Variants in GPRIN3 observed in about 807,000 individuals in gnomAD.
The protein encoded by GPRIN3 is GPRIN family member 3, also known as G protein-regulated inducer of neurite outgrowth 3.
A neutral mutation model predicts 13.7 loss-of-function variants in GPRIN3; 12 were observed. The observed-to-expected ratio is 0.87, with a 90% CI of 0.56 to 1.42. The LOEUF (loss-of-function observed/expected upper bound fraction) is 1.42. GPRIN3 is among the 40% of genes most tolerant of loss of function. GPRIN3 has a pLI of 0.00. For synonymous variants in GPRIN3, 377 were observed against 372.7 expected, an observed-to-expected ratio of 1.01 and a Z score of -0.13; for missense variants, 1,009 against 958.7, an observed-to-expected ratio of 1.05 and a Z score of -0.69.
At position 89,249,405 on chromosome 4, in the gene GPRIN3, T is replaced by C. The variant is rs937788863; in HGVS notation, c.706A>G (p.Lys236Glu). 1 of 1,614,152 alleles carries C rather than the reference T, an allele frequency of 6.2e-7. No individual in the cohort carries two copies. Residue 236 changes from lysine to glutamate, a missense_variant, in exon 2 of 2, where the codon AAA (lysine) becomes GAA (glutamate). Coordinates refer to ENST00000609438, the MANE Select transcript of GPRIN3 (RefSeq NM_198281.3). ...AICDSEMRSC[K>E]PLTRESGCSE... ...CATCCAGATTCTCTAGTTAGAGGTTTACAGGACCTCATTTCAGAGTCACAG... is the reference window on the plus strand; with the variant it reads ...CATCCAGATTCTCTAGTTAGAGGTTCACAGGACCTCATTTCAGAGTCACAG...
rs139967669 is a variant in GPRIN3, at chr4:89,248,625, C to T, written c.1486G>A (p.Ala496Thr). The T allele has an allele frequency of 1.2e-6, 2 of 1,614,118 alleles. No homozygotes were observed. Among genetic ancestry groups the T allele is most frequent in the South Asian group, 1.1e-5 (1 of 91,084 alleles). The change falls in exon 2 of 2, where the codon GCA (alanine) becomes ACA (threonine). Residue 496 changes from alanine (A) to threonine (T), a missense_variant. Transcript: ENST00000609438. ...GKFETRPSEF[A>T]EKTTNGHKTD... is the part of the protein sequence containing the mutation. ...TTGTGGCCGTTTGTCGTTTTCTCTG[C>T]AAACTCAGATGGCCTGGTTTCAAAT... is the stretch of plus-strand genomic sequence containing the variant.
rs577472132 is a variant in GPRIN3 at position 89,287,403 on chromosome 4, A to G, written c.-124+20212T>C. Among the ~76,000 whole-genome samples, 33 of 152,350 alleles carry G rather than the reference A, an allele frequency of 2.2e-4. No individual in the cohort carries two copies. The South Asian group carries it at 6.2e-3, about 29-fold the overall frequency. ...ATATGTTACAACCTGTGGTTAATAC[A>G]ATGAAACTGACCAAATTGAACTGTG... is the stretch of plus-strand genomic sequence containing the variant. On this transcript the variant is annotated intron_variant, in intron 1 of 1. Coordinates refer to ENST00000609438, the MANE Select transcript of GPRIN3 (RefSeq NM_198281.3).
rs933506991 is a variant in GPRIN3, at chr4:89,247,737, G to A, written c.*43C>T. On this transcript the variant is annotated 3_prime_UTR_variant, in exon 2 of 2. Coordinates refer to ENST00000609438, the MANE Select transcript of GPRIN3 (RefSeq NM_198281.3). ...AGCTTTGACATAGAGGGACGCATGT[G>A]AATACCGTAAATTTATACACAAACT... 4 of 1,548,530 alleles carry A rather than the reference G, an allele frequency of 2.6e-6. No homozygotes were observed. Among genetic ancestry groups the A allele is most frequent in the Non-Finnish European group, 3.5e-6 (4 of 1,143,918 alleles).
intron 1 of GPRIN3, among the ~76,000 whole-genome samples, chr4:89,296,927 C>T (rs1219139349): frequency 1.3e-5 from 2 of 152,112 alleles, no homozygotes; most frequent in Non-Finnish European, 2.9e-5. Context: ...TTAAGCAACA[C>T]AAGATGAAAT....
chr4:89,279,328 G>A (rs559397561), intron 1 of GPRIN3, among the ~76,000 whole-genome samples: 7 of 152,092 alleles, frequency 4.6e-5, no homozygotes, highest in South Asian at 2.1e-4. Flanking sequence ...CTCACCACCC[G>A]CGCCCTGCCA....
At chr4:89,254,691 C>A (rs560170220) in intron 1 of GPRIN3, among the ~76,000 whole-genome samples, 4 of 152,290 alleles carry the variant, frequency 2.6e-5, no homozygotes, top group Admixed American at 6.5e-5. Context: ...TGAACATACA[C>A]ATGCATGTGT....
intron 1 of GPRIN3, among the ~76,000 whole-genome samples, chr4:89,281,057 A>AG (rs58585742): frequency 0.048 from 7,278 of 151,218 alleles, 570 homozygotes; most frequent in African/African-American, 0.16. Flanking sequence ...TGGAAGGTGA[A>AG]GGGGGGGGAT....
At chr4:89,291,004 G>T (rs1055743076) in intron 1 of GPRIN3, among the ~76,000 whole-genome samples, 2 of 152,102 alleles carry the variant, frequency 1.3e-5, no homozygotes, top group South Asian at 4.2e-4. Flanking sequence ...TTAAAGAGAC[G>T]TTTGAGACAG....
intron 1 of GPRIN3, among the ~76,000 whole-genome samples, chr4:89,295,218 A>T (rs1341839908): frequency 1.3e-5 from 2 of 152,192 alleles, no homozygotes; most frequent in African/African-American, 2.4e-5. Flanking sequence ...CACATTATGC[A>T]CTTATATTTA....
Position 89,254,477 on chromosome 4 carries a change from T to C in GPRIN3, c.-123-4244A>G, listed in dbSNP as rs564583445. Among the ~76,000 whole-genome samples the C allele has an allele frequency of 2.1e-4, 32 of 152,280 alleles. No homozygotes were observed. In the South Asian group the frequency reaches 3.3e-3, roughly 16 times the overall value. The stretch of plus-strand genomic sequence containing the variant: ...TTAGCTCCCACTTAAAAGTGAAGTA[T>C]TTGATTTTCTGTTGCTGCATTAGTT... On this transcript the variant is annotated intron_variant, in intron 1 of 1. Transcript: ENST00000609438.
intron 1 of GPRIN3, among the ~76,000 whole-genome samples, chr4:89,261,501 G>T (rs1578084133): frequency 1.3e-5 from 2 of 152,130 alleles, no homozygotes; most frequent in African/African-American, 4.8e-5. Context: ...CGGCTCTCAA[G>T]TCAAAGAGAG....
Position 89,238,062 on chromosome 4 carries a change from AG to A in GPRIN3, c.*9717del. On this transcript the variant is annotated 3_prime_UTR_variant, in exon 2 of 2. Transcript: ENST00000609438. The stretch of plus-strand genomic sequence containing the variant: ...AAGAATAAATGTTTAAGTATGCAAG[AG>A]TTAGAGAATGGCAGCCACAGGGCAC... 6.6e-6 allele frequency: 1 copy of A among 152,282 alleles called. No homozygotes were observed. Among genetic ancestry groups the A allele is most frequent in the African/African-American group, 2.4e-5 (1 of 41,560 alleles). The allele number at this position is 152,282 out of a possible 1,614,324, so 9.4% of individuals were successfully genotyped here. A position where few individuals can be genotyped will look rare whatever the true frequency, so the allele number is the denominator to read the frequency against.
intron 1 of GPRIN3, among the ~76,000 whole-genome samples, chr4:89,266,528 G>T (rs1398055988): frequency 6.6e-6 from 1 of 152,210 alleles, no homozygotes; most frequent in Non-Finnish European, 1.5e-5. Context: ...CCTTTGAAAT[G>T]AAGTTGAATG....
intron 1 of GPRIN3, among the ~76,000 whole-genome samples, chr4:89,272,758 C>G (rs939464300): frequency 2.0e-5 from 3 of 152,190 alleles, no homozygotes; most frequent in Admixed American, 6.5e-5. Context: ...AACTACCTAC[C>G]TATTTTACCA....
Position 89,243,091 on chromosome 4 carries a change from G to C in GPRIN3, c.*4689C>G, listed in dbSNP as rs1382284767. 1.3e-5 allele frequency: 2 copies of C among 152,178 alleles called. No homozygotes were observed. Among genetic ancestry groups the C allele is most frequent in the Non-Finnish European group, 2.9e-5 (2 of 68,040 alleles). The allele number at this position is 152,178 out of a possible 1,614,324, so 9.4% of individuals were successfully genotyped here. On this transcript the variant is annotated 3_prime_UTR_variant, in exon 2 of 2. Coordinates refer to ENST00000609438, the MANE Select transcript of GPRIN3 (RefSeq NM_198281.3). ...CTGGCAGATGTCACTGATCACTTGGGAGACAGAATTTTTCCACTTCAATCC... is the reference window on the plus strand; with the variant it reads ...CTGGCAGATGTCACTGATCACTTGGCAGACAGAATTTTTCCACTTCAATCC...
intron 1 of GPRIN3, among the ~76,000 whole-genome samples, chr4:89,303,046 C>G (rs1265047988): frequency 6.6e-6 from 1 of 152,014 alleles, no homozygotes; most frequent in Admixed American, 6.6e-5. Flanking sequence ...ATGAAGCCCA[C>G]CAAGAAAATG....
intron 1 of GPRIN3, among the ~76,000 whole-genome samples, chr4:89,275,734 T>C (rs1415012826): frequency 6.6e-6 from 1 of 152,208 alleles, no homozygotes; most frequent in African/African-American, 2.4e-5. Flanking sequence ...TGTTATTTTT[T>C]CCCTCCTTTA....
rs1723030070 is a variant in GPRIN3, at chr4:89,244,389, C to T, written c.*3391G>A. ...AAGATTAAAAAAAATTATCAAAGATCAAATTACATTCAATATAGGTGAACT... is the reference window on the plus strand; with the variant it reads ...AAGATTAAAAAAAATTATCAAAGATTAAATTACATTCAATATAGGTGAACT... On this transcript the variant is annotated 3_prime_UTR_variant, in exon 2 of 2. Transcript: ENST00000609438. The T allele has an allele frequency of 6.6e-6, 1 of 152,042 alleles. No homozygotes were observed. Among genetic ancestry groups the T allele is most frequent in the South Asian group, 2.1e-4 (1 of 4,822 alleles). 9.4% of individuals were successfully genotyped at this position (152,042 alleles called of 1,614,324 possible).
chr4:89,272,055 C>T (rs1723967284), intron 1 of GPRIN3, among the ~76,000 whole-genome samples: 1 of 152,050 alleles, frequency 6.6e-6, no homozygotes, highest in Non-Finnish European at 1.5e-5. Flanking sequence ...GGAACCTTCT[C>T]GAGACACTGA....
Sources: gnomAD v4.1 joint callset for allele counts (sites outside exome capture counted in the v4.1 genomes callset) on GRCh38, gnomAD v4.1.1 for gene constraint, MANE v1.5 for transcripts, NCBI Gene and HGNC (gene_info 2026-07-23, HGNC 2026-07-21) for gene names.